Variants in CSMD3 observed in about 807,000 individuals in gnomAD.
CSMD3 encodes the protein CUB and Sushi multiple domains 3.
A neutral mutation model predicts 435.2 loss-of-function variants in CSMD3; 177 were observed. That is an observed-to-expected ratio of 0.41 (90% CI 0.36 to 0.46). CSMD3 has a LOEUF of 0.46. CSMD3 is among the 20% of genes least tolerant of loss of function. The pLI is 0.34. For synonymous variants in CSMD3, 1,656 were observed against 1,520.5 expected (o/e 1.09, Z -2.07); for missense variants, 4,265 against 4,504.6 (o/e 0.95, Z 1.52).
chr8:112,499,300 G>C (rs757257262), intron 30 of CSMD3, among the ~76,000 whole-genome samples: 8 of 152,030 alleles, frequency 5.3e-5, no homozygotes, highest in Non-Finnish European at 1.2e-4. Flanking sequence ...CTGAAAGCAG[G>C]CTTTCATAAT....
At position 113,066,144 on chromosome 8, in the gene CSMD3, G is replaced by C. The variant is rs542244621; in HGVS notation, c.917+32612C>G. Among the ~76,000 whole-genome samples the C allele has an allele frequency of 1.1e-4, 16 of 145,168 alleles. No individual in the cohort carries two copies. The South Asian group carries it at 1.7e-3, about 16-fold the overall frequency. On this transcript the variant is annotated intron_variant, in intron 5 of 70. Coordinates refer to ENST00000297405, the MANE Select transcript of CSMD3 (RefSeq NM_198123.2). ...CCAAGAAAAAGAAAAAAAAAAAAAA[G>C]AAAGAAAAAGAAAGGACAAAAAAGC... is the stretch of plus-strand genomic sequence containing the variant.
chr8:112,517,860 T>G (rs909933531), intron 27 of CSMD3, among the ~76,000 whole-genome samples: 2 of 152,192 alleles, frequency 1.3e-5, no homozygotes, highest in African/African-American at 4.8e-5. Context: ...TATGGCACTT[T>G]CTTACGAAAC....
intron 13 of CSMD3, among the ~76,000 whole-genome samples, chr8:112,742,879 G>A (rs552982015): frequency 6.6e-6 from 1 of 152,142 alleles, no homozygotes; most frequent in African/African-American, 2.4e-5. Context: ...GGCAGGGCCT[G>A]CTTAATGGAT....
chr8:112,524,704 TTGAG>T (rs1321465634), intron 27 of CSMD3, among the ~76,000 whole-genome samples: 9 of 152,102 alleles, frequency 5.9e-5, no homozygotes, highest in East Asian at 3.9e-4. Context: ...AAAATATGTA[TTGAG>T]TAACATAATT....
At chr8:112,293,143 T>C (rs1018275226) in intron 54 of CSMD3, among the ~76,000 whole-genome samples, 2 of 151,854 alleles carry the variant, frequency 1.3e-5, no homozygotes, top group African/African-American at 4.8e-5. Context: ...ATAATCTCAG[T>C]GCTTTGGGAG....
At chr8:112,262,107 T>G (rs567870944) in intron 61 of CSMD3, among the ~76,000 whole-genome samples, 1 of 152,236 alleles carries the variant, frequency 6.6e-6, no homozygotes, top group Admixed American at 6.5e-5. Flanking sequence ...TGAGGTCATT[T>G]AGATAGATTC....
rs1042580929 is a variant in CSMD3 at position 112,346,294 on chromosome 8, C to T, written c.6326-81G>A. Reference sequence around the variant, plus strand: ...TAAAAAACATATTAAAATCATTTCACGTTTTCAAGGCTCTGAGTTAAAACT... The same window carrying T: ...TAAAAAACATATTAAAATCATTTCATGTTTTCAAGGCTCTGAGTTAAAACT... On this transcript the variant is annotated intron_variant, in intron 40 of 70. Transcript: ENST00000297405. 6.7e-6 allele frequency: 6 copies of T among 893,362 alleles called. No homozygotes were observed. In the East Asian group the frequency reaches 7.3e-5, roughly 11 times the overall value. 55.3% of individuals were successfully genotyped at this position (893,362 alleles called of 1,614,324 possible). A position where few individuals can be genotyped will look rare whatever the true frequency, so the allele number is the denominator to read the frequency against.
chr8:112,225,583 C>T (rs761254409), intron 70 of CSMD3, among the ~76,000 whole-genome samples: 13 of 152,100 alleles, frequency 8.5e-5, no homozygotes, highest in Admixed American at 5.2e-4. Flanking sequence ...AAGTCGGTTC[C>T]GCACAAAAAG....
At chr8:113,327,489 C>T (rs1031565221) in intron 1 of CSMD3, among the ~76,000 whole-genome samples, 1 of 151,992 alleles carries the variant, frequency 6.6e-6, no homozygotes, top group African/African-American at 2.4e-5. Context: ...TGGAATATAG[C>T]ACTGTAACTC....
intron 12 of CSMD3, among the ~76,000 whole-genome samples, chr8:112,815,005 C>A (rs747096176): frequency 2.6e-5 from 4 of 151,472 alleles, no homozygotes; most frequent in Non-Finnish European, 5.9e-5. Context: ...AATATTTTTC[C>A]TTCTAGTACA....
At chr8:112,985,371 T>C (rs1172039703) in intron 6 of CSMD3, among the ~76,000 whole-genome samples, 2 of 151,746 alleles carry the variant, frequency 1.3e-5, no homozygotes, top group South Asian at 2.1e-4. Flanking sequence ...AACGAAATAG[T>C]AGGCACCGAG....
intron 69 of CSMD3, 75 bp downstream of exon 69, chr8:112,231,470 C>G (rs1813080117): frequency 1.1e-6 from 1 of 933,478 alleles, no homozygotes; most frequent in Non-Finnish European, 1.8e-6. Context: ...ACCTAATGTA[C>G]AGAATCCACA....
chr8:112,710,790 A>G lies in CSMD3; in HGVS notation c.1973-20740T>C, dbSNP rs143310122. 3.6e-3 allele frequency among the ~76,000 whole-genome samples: 544 copies of G among 150,914 alleles called. 1 individual carries two copies. The highest frequency in any genetic ancestry group is 0.013 in the African/African-American group (514 of 41,078). ...CAGAAGTCTTTATGCTATGATGTAT[A>G]CTAGATAAGCATAAGTTCCCATAAG... On this transcript the variant is annotated intron_variant, in intron 13 of 70. Transcript: ENST00000297405.
chr8:113,013,081 A>C (rs2086316896), intron 6 of CSMD3, among the ~76,000 whole-genome samples: 2 of 152,090 alleles, frequency 1.3e-5, no homozygotes. Flanking sequence ...CTCTTTACAG[A>C]AATTTGCTTT....
chr8:112,899,568 C>A (rs1340638331), intron 10 of CSMD3, among the ~76,000 whole-genome samples: 10 of 126,390 alleles, frequency 7.9e-5, no homozygotes, highest in African/African-American at 2.9e-4. Context: ...GGTATCTATA[C>A]CAACCTAACC....
At chr8:112,882,610 C>A (rs935644539) in intron 10 of CSMD3, among the ~76,000 whole-genome samples, 1 of 152,032 alleles carries the variant, frequency 6.6e-6, no homozygotes, top group Non-Finnish European at 1.5e-5. Context: ...ACAGATCCTA[C>A]TGTGGCTTGT....
At chr8:112,808,063 G>T (rs2079134903) in intron 12 of CSMD3, among the ~76,000 whole-genome samples, 1 of 152,118 alleles carries the variant, frequency 6.6e-6, no homozygotes, top group African/African-American at 2.4e-5. Context: ...AAAGAGATGA[G>T]CTGTTTGTCA....
intron 22 of CSMD3, among the ~76,000 whole-genome samples, chr8:112,621,023 G>T (rs1158470112): frequency 1.3e-5 from 2 of 152,034 alleles, no homozygotes; most frequent in African/African-American, 2.4e-5. Context: ...GATCACCTGA[G>T]GTTAGAGTTC....
intron 22 of CSMD3, among the ~76,000 whole-genome samples, chr8:112,633,374 A>C (rs1198067590): frequency 6.6e-6 from 1 of 152,048 alleles, no homozygotes; most frequent in African/African-American, 2.4e-5. Flanking sequence ...TAGACTCGGA[A>C]CATTGTGATA....
Sources: allele counts gnomAD v4.1 joint callset (sites outside exome capture counted in the v4.1 genomes callset), GRCh38; gene constraint gnomAD v4.1.1; transcripts MANE v1.5; gene names NCBI Gene and HGNC (gene_info 2026-07-23, HGNC 2026-07-21).